Variants in GTF2H1 observed in about 807,000 individuals in gnomAD.
GTF2H1 encodes general transcription factor IIH subunit 1.
In GTF2H1, 16 loss-of-function variants were observed where a neutral mutation model predicts 71.2. That is an observed-to-expected ratio of 0.22 (90% confidence interval 0.15 to 0.34). The LOEUF is 0.34. Among genes scored for constraint, GTF2H1 ranks in the 10% least tolerant of loss-of-function variants. GTF2H1 has a pLI of 1.00. For missense variants in GTF2H1, 498 were observed against 648.2 expected (o/e 0.77, Z 2.52); for synonymous variants, 215 against 219.0 (o/e 0.98, Z 0.16).
chr11:18,335,535 G>A (rs1317347348), intron 2 of GTF2H1, among the ~76,000 whole-genome samples: 3 of 152,184 alleles, frequency 2.0e-5, no homozygotes, highest in East Asian at 1.9e-4. Context: ...TGCATGACAA[G>A]AGTACCAAAG....
chr11:18,346,251 T>C (rs925505444), intron 7 of GTF2H1, among the ~76,000 whole-genome samples: 3 of 152,242 alleles, frequency 2.0e-5, no homozygotes, highest in African/African-American at 7.2e-5. Context: ...AAGGTCTCAC[T>C]GTGTTGCCAG....
chr11:18,345,403 C>G (rs1488751444), intron 7 of GTF2H1, among the ~76,000 whole-genome samples: 1 of 151,910 alleles, frequency 6.6e-6, no homozygotes, highest in Non-Finnish European at 1.5e-5. Flanking sequence ...CTTCATGAAG[C>G]TGACTTTGTT....
chr11:18,365,879 G>A lies in GTF2H1; in HGVS notation c.*10G>A, dbSNP rs1339566690. The A allele has an allele frequency of 6.3e-7, 1 of 1,597,492 alleles. No individual in the cohort carries two copies. The highest frequency in any genetic ancestry group is 1.1e-5 in the South Asian group (1 of 90,600). On this transcript the variant is annotated 3_prime_UTR_variant, in exon 15 of 15. Coordinates refer to ENST00000265963, the MANE Select transcript of GTF2H1 (RefSeq NM_005316.4). ...GATGAAGAAAACGTGAGGTGGCCAT[G>A]ATGCTTACAGGTTTTGTGAGATTGA...
chr11:18,352,110 A>G (rs1865442310), intron 10 of GTF2H1, 141 bp downstream of exon 10: 3 of 638,752 alleles, frequency 4.7e-6, no homozygotes, highest in Non-Finnish European at 8.4e-6. Context: ...TAGGCTTCTC[A>G]GGAAGCAAAA....
Position 18,339,548 on chromosome 11 carries a change from A to G in GTF2H1, c.514-16A>G. On this transcript the variant is annotated splice_polypyrimidine_tract_variant and intron_variant, in intron 4 of 14. Coordinates refer to ENST00000265963, the MANE Select transcript of GTF2H1 (RefSeq NM_005316.4). ...CTGATGCTCTAACGTGTATGTGTGT[A>G]TGGGCTTTGTTTTAGGCTGATGTCC... The G allele has an allele frequency of 1.9e-6, 3 of 1,580,880 alleles. No homozygotes were observed. Among genetic ancestry groups the G allele is most frequent in the Non-Finnish European group, 2.6e-6 (3 of 1,150,366 alleles).
chr11:18,365,473 G>T (rs1283590866), intron 14 of GTF2H1, among the ~76,000 whole-genome samples: 1 of 152,168 alleles, frequency 6.6e-6, no homozygotes, highest in African/African-American at 2.4e-5. Flanking sequence ...ATATAGTTCA[G>T]ACCCCTCGTT....
intron 14 of GTF2H1, among the ~76,000 whole-genome samples, chr11:18,364,058 A>T (rs1055839358): frequency 6.6e-6 from 1 of 151,936 alleles, no homozygotes; most frequent in Non-Finnish European, 1.5e-5. Context: ...AGGCAACAAG[A>T]GTGAAACTCC....
At chr11:18,358,904 A>G (rs982077550) in intron 13 of GTF2H1, among the ~76,000 whole-genome samples, 15 of 152,206 alleles carry the variant, frequency 9.9e-5, no homozygotes, top group Non-Finnish European at 1.3e-4. Flanking sequence ...GCCACTGTGA[A>G]TAGAGACCCA....
intron 9 of GTF2H1, among the ~76,000 whole-genome samples, chr11:18,351,152 G>C (rs562207274): frequency 6.6e-6 from 1 of 152,144 alleles, no homozygotes; most frequent in Non-Finnish European, 1.5e-5. Context: ...CGGAAGCTGA[G>C]CATGGTAGCA....
In GTF2H1 at chr11:18,351,868, T is replaced by C; in HGVS notation, c.1054-13T>C. ...TTGTGACAAAATAAAAAGTACTGTG[T>C]TAATAATTATAGGCGAAATTACAAG... On this transcript the variant is annotated splice_polypyrimidine_tract_variant and intron_variant, in intron 9 of 14. Transcript: ENST00000265963. The C allele has an allele frequency of 7.4e-7, 1 of 1,351,876 alleles. No homozygotes were observed. Among genetic ancestry groups the C allele is most frequent in the Non-Finnish European group, 1.1e-6 (1 of 943,778 alleles). The allele number at this position is 1,351,876 out of a possible 1,614,324, so 83.7% of individuals were successfully genotyped here.
chr11:18,356,029 T>TA (rs1005416725), intron 11 of GTF2H1, among the ~76,000 whole-genome samples: 8 of 152,092 alleles, frequency 5.3e-5, no homozygotes, highest in African/African-American at 9.7e-5. Flanking sequence ...AGGCTTATCT[T>TA]ACATCTGCCC....
chr11:18,359,208 C>A (rs1391902148), intron 13 of GTF2H1, among the ~76,000 whole-genome samples: 1 of 152,122 alleles, frequency 6.6e-6, no homozygotes, highest in Non-Finnish European at 1.5e-5. Flanking sequence ...GGGAAATGCT[C>A]ACACTTACCA....
chr11:18,352,280 AG>A, intron 10 of GTF2H1, 48 bp from the exon 11 acceptor site: 1 of 829,792 alleles, frequency 1.2e-6, no homozygotes, highest in East Asian at 2.4e-5. Flanking sequence ...ACAAATGTTG[AG>A]CATCTTTACT....
chr11:18,331,155 C>T (rs1218806443), intron 1 of GTF2H1, among the ~76,000 whole-genome samples: 1 of 152,120 alleles, frequency 6.6e-6, no homozygotes, highest in East Asian at 1.9e-4. Flanking sequence ...TCAAGCGATT[C>T]TCCTGATTCT....
rs201251609 is a variant in GTF2H1 at position 18,352,436 on chromosome 11, A to C, written c.1250A>C (p.Lys417Thr). 8.3e-6 allele frequency: 11 copies of C among 1,332,318 alleles called. No individual in the cohort carries two copies. In the Middle Eastern group the frequency reaches 1.6e-3, roughly 196 times the overall value. The allele number at this position is 1,332,318 out of a possible 1,614,324, so 82.5% of individuals were successfully genotyped here. ...IRQEMEAYTP[K>T]LTQVLSSSAA... ...CAAGAAATGGAAGCTTATACACCCA[A>C]GTTAACTCAGGTAGGTGACTTCTAC... The change falls in exon 11 of 15, where the codon AAG (lysine) becomes ACG (threonine). Residue 417 changes from lysine to threonine, a missense_variant. By Grantham distance (78) the Lys-to-Thr change is moderately conservative. Transcript: ENST00000265963.
chr11:18,344,256 C>T (rs1231539509), intron 7 of GTF2H1, among the ~76,000 whole-genome samples: 4 of 152,176 alleles, frequency 2.6e-5, no homozygotes, highest in Non-Finnish European at 5.9e-5. Flanking sequence ...GGCCTGTTTG[C>T]TTGCCTTAGC....
chr11:18,332,746 A>C (rs1056336576), intron 1 of GTF2H1: 1 of 174,570 alleles, frequency 5.7e-6, no homozygotes. Flanking sequence ...AATATAGACT[A>C]TATGAAAGAC....
intron 2 of GTF2H1, among the ~76,000 whole-genome samples, chr11:18,334,334 C>T (rs892124436): frequency 2.6e-5 from 4 of 152,266 alleles, no homozygotes; most frequent in Non-Finnish European, 5.9e-5. Context: ...GAGCCAAGAT[C>T]GCGCCACTGC....
intron 7 of GTF2H1, among the ~76,000 whole-genome samples, chr11:18,345,449 GTAA>G (rs1180097061): frequency 6.6e-6 from 1 of 150,814 alleles, no homozygotes; most frequent in East Asian, 1.9e-4. Flanking sequence ...ATGTCATGTA[GTAA>G]TAATCACTTA....
Sources: gnomAD v4.1 joint callset for allele counts (sites outside exome capture counted in the v4.1 genomes callset) on GRCh38, gnomAD v4.1.1 for gene constraint, MANE v1.5 for transcripts, NCBI Gene and HGNC (gene_info 2026-07-23, HGNC 2026-07-21) for gene names.